The following FAT1 variants were observed in gnomAD, a reference collection of about 807,000 sequenced individuals.
FAT1 encodes FAT atypical cadherin 1.
In FAT1, 171 loss-of-function variants were observed where a neutral mutation model predicts 329.8. The observed-to-expected ratio is 0.52, with a 90% CI of 0.46 to 0.59. The LOEUF is 0.59. Among genes scored for constraint, FAT1 ranks in the 20% least tolerant of loss-of-function variants. The probability of loss-of-function intolerance (pLI) is 0.00; values close to 1 mark genes in which losing one functional copy is unlikely to be tolerated. For synonymous variants in FAT1, 2,233 were observed against 2,228.6 expected (o/e 1.00, Z -0.06); for missense variants, 5,672 against 5,774.4 (o/e 0.98, Z 0.57).
At chr4:186,726,658 G>C (rs1365244483), upstream of FAT1, 1 of 152,226 alleles carries the variant, frequency 6.6e-6, no homozygotes, top group East Asian at 1.9e-4. Flanking sequence ...GCCAGCCGCC[G>C]AGTTGAGGAG....
rs987580879 is a variant in FAT1 at position 186,618,554 on chromosome 4, T to C, written c.8032A>G (p.Asn2678Asp). 3.8e-5 allele frequency: 61 copies of C among 1,613,932 alleles called. No individual in the cohort carries two copies. The highest frequency in any genetic ancestry group is 5.1e-5 in the Non-Finnish European group (60 of 1,179,908). Reference protein sequence around the residue: ...FFTFFVRAVDNGSPSKESVVL... With the variant: ...FFTFFVRAVDDGSPSKESVVL... ...ACAGATTCTTTTGATGGAGACCCATTATCCACAGCTCTAACAAAGAAAGTG... is the reference window on the plus strand; with the variant it reads ...ACAGATTCTTTTGATGGAGACCCATCATCCACAGCTCTAACAAAGAAAGTG... Residue 2678 changes from asparagine (N) to aspartate (D), a missense_variant, in exon 10 of 27, where the codon AAT becomes GAT. Asn to Asp is a conservative substitution (Grantham distance 23). Around this residue, in one of 2 missense-constraint regions of FAT1, gnomAD observed 3,966 missense variants for 3,915.2 expected, o/e 1.01. Transcript: ENST00000441802.
At chr4:186,623,537 T>C (rs1172855408) in intron 9 of FAT1, among the ~76,000 whole-genome samples, 1 of 152,216 alleles carries the variant, frequency 6.6e-6, no homozygotes, top group Non-Finnish European at 1.5e-5. Flanking sequence ...TCTCTCTTAT[T>C]GTACAGGATA....
chr4:186,702,693 A>C (rs950113), intron 2 of FAT1, among the ~76,000 whole-genome samples: 113,614 of 152,146 alleles, frequency 0.75, 42,736 homozygotes, highest in Middle Eastern at 0.8. Flanking sequence ...TGCTAAGTAC[A>C]CATCAGCTAA....
chr4:186,627,638 A>T (rs1740379023), intron 9 of FAT1, among the ~76,000 whole-genome samples: 1 of 152,152 alleles, frequency 6.6e-6, no homozygotes, highest in Non-Finnish European at 1.5e-5. Flanking sequence ...CGAGTGGCAA[A>T]AATCCAGGTA....
intron 3 of FAT1, among the ~76,000 whole-genome samples, chr4:186,646,006 T>C (rs10010039): frequency 0.39 from 37,172 of 96,490 alleles, 8,034 homozygotes; most frequent in Middle Eastern, 0.46. Flanking sequence ...CACACACACA[T>C]GAAAGATGGC....
chr4:186,634,059 C>T (rs2126556868), intron 6 of FAT1, among the ~76,000 whole-genome samples: 1 of 152,314 alleles, frequency 6.6e-6, no homozygotes, highest in African/African-American at 2.4e-5. Context: ...GAAAGCAACT[C>T]TGAAAACAAA....
chr4:186,633,011 T>C (rs1461469930), intron 7 of FAT1, among the ~76,000 whole-genome samples: 2 of 152,162 alleles, frequency 1.3e-5, no homozygotes, highest in Non-Finnish European at 2.9e-5. Flanking sequence ...CAACAAATAC[T>C]TGGTAAATAA....
Position 186,596,688 on chromosome 4 carries a change from G to A in FAT1, c.12852C>T (p.Phe4284=), listed in dbSNP as rs2126388394. 1 of 1,613,336 alleles carries A rather than the reference G, an allele frequency of 6.2e-7. No individual in the cohort carries two copies. Among genetic ancestry groups the A allele is most frequent in the Non-Finnish European group, 8.5e-7 (1 of 1,179,482 alleles). Reference sequence around the variant, plus strand: ...GCACAGACTCGGGGTTAAAAGTGCTGAATTCGGGATGCTCTGGGATAGCAG... The same window carrying A: ...GCACAGACTCGGGGTTAAAAGTGCTAAATTCGGGATGCTCTGGGATAGCAG... ...EGSAIPEHPE[F]STFNPESVHG... is the part of the protein sequence containing the mutation. The change falls in exon 25 of 27, where the codon TTC becomes TTT. Residue 4284 remains phenylalanine, a synonymous_variant. Coordinates refer to ENST00000441802, the MANE Select transcript of FAT1 (RefSeq NM_005245.4). This position sits in a 1 kb window ranked among gnomAD's most constrained non-coding sequence, Gnocchi z 4.7.
At chr4:186,635,308 A>G (rs1740775227) in intron 6 of FAT1, among the ~76,000 whole-genome samples, 1 of 98,430 alleles carries the variant, frequency 1.0e-5, no homozygotes, top group South Asian at 2.6e-4. Context: ...GTGAGGAAAC[A>G]ATAAAAAAAA....
At chr4:186,652,110 C>G (rs1016187120) in intron 3 of FAT1, among the ~76,000 whole-genome samples, 1 of 152,232 alleles carries the variant, frequency 6.6e-6, no homozygotes, top group African/African-American at 2.4e-5. Flanking sequence ...ATACCCTAGT[C>G]TTCAGACGTC....
At position 186,707,025 on chromosome 4, in the gene FAT1, T is replaced by C. The variant is rs955711006; in HGVS notation, c.2803A>G (p.Lys935Glu). Residue 935 changes from lysine (K) to glutamate (E), a missense_variant, in exon 2 of 27, where the codon AAA becomes GAA. This residue lies in a region of FAT1 where 3,966 missense variants were observed against 3,915.2 expected (regional missense o/e 1.01). Transcript: ENST00000441802. ...CCTTCTGGAAGATCCTCTCGGACTT[T>C]CACACGATAATTAGGTGGAATAAAT... Reference protein sequence around the residue: ...PTFIPPNYRVKVREDLPEGTV... With the variant: ...PTFIPPNYRVEVREDLPEGTV... The C allele has an allele frequency of 2.6e-5, 42 of 1,613,900 alleles. No individual in the cohort carries two copies. The highest frequency in any genetic ancestry group is 3.2e-5 in the Non-Finnish European group (38 of 1,179,906).
intron 26 of FAT1, chr4:186,590,300 G>T: frequency 9.9e-7 from 1 of 1,009,142 alleles, no homozygotes; most frequent in Non-Finnish European, 1.4e-6. Flanking sequence ...TAGTCAGTCA[G>T]CACTGGGGCA....
Position 186,628,742 on chromosome 4 carries a change from T to A in FAT1, c.4345A>T (p.Thr1449Ser), listed in dbSNP as rs2126545503. ...LTQVFIKVID[T>S]NDHRPQFSTS... The stretch of plus-strand genomic sequence containing the variant: ...GAAAACTGAGGACGATGGTCATTTG[T>A]GTCTATTACTTTGATGAATACCTGT... The change falls in exon 8 of 27, where the codon ACA (threonine) becomes TCA (serine). Residue 1449 changes from threonine (T) to serine (S), a missense_variant. Physicochemically the swap from Thr to Ser is moderately conservative, Grantham distance 58 (BLOSUM62 1). Transcript: ENST00000441802. The A allele has an allele frequency of 1.2e-6, 2 of 1,613,310 alleles. No individual in the cohort carries two copies. The highest frequency in any genetic ancestry group is 1.7e-6 in the Non-Finnish European group (2 of 1,179,774).
chr4:186,678,873 T>C (rs1190424599), intron 2 of FAT1, among the ~76,000 whole-genome samples: 1 of 152,158 alleles, frequency 6.6e-6, no homozygotes. Context: ...TTAATTATTC[T>C]ACTATAAAGA....
rs370965683 is a variant in FAT1, at chr4:186,629,541, C to G, written c.4324-778G>C. On this transcript the variant is annotated intron_variant, in intron 7 of 26. Transcript: ENST00000441802. ...CGTATGGATTTGGCACAGCGGAAAT[C>G]ACTGCCAATTATAAAACATGCTTTA... Among the ~76,000 whole-genome samples, 4 of 152,326 alleles carry G rather than the reference C, an allele frequency of 2.6e-5. No homozygotes were observed. In the East Asian group the frequency reaches 5.8e-4, roughly 22 times the overall value.
intron 1 of FAT1, among the ~76,000 whole-genome samples, chr4:186,710,098 G>A (rs369983948): frequency 4.6e-5 from 7 of 152,090 alleles, no homozygotes; most frequent in East Asian, 1.9e-4. Flanking sequence ...ATATTTAAAC[G>A]ACTCAAAAAT....
chr4:186,708,137 T>G lies in FAT1; in HGVS notation c.1691A>C (p.Asp564Ala), dbSNP rs2126694137. The G allele has an allele frequency of 6.2e-7, 1 of 1,613,972 alleles. No individual in the cohort carries two copies. Among genetic ancestry groups the G allele is most frequent in the Non-Finnish European group, 8.5e-7 (1 of 1,179,894 alleles). ...LATITLNNLN[D>A]NTPLFEKINC... Reference sequence around the variant, plus strand: ...TATTTTCTCAAACAAAGGTGTGTTGTCATTCAAGTTATTGAGAGTAATTGT... The same window carrying G: ...TATTTTCTCAAACAAAGGTGTGTTGGCATTCAAGTTATTGAGAGTAATTGT... Residue 564 changes from aspartate (D) to alanine (A), a missense_variant, in exon 2 of 27, where the codon GAC (aspartate) becomes GCC (alanine). Asp to Ala is a moderately radical substitution (Grantham distance 126). Around this residue, in one of 2 missense-constraint regions of FAT1, gnomAD observed 3,966 missense variants for 3,915.2 expected, o/e 1.01. Transcript: ENST00000441802.
chr4:186,611,071 A>C (rs1741797833), intron 14 of FAT1, among the ~76,000 whole-genome samples: 1 of 152,178 alleles, frequency 6.6e-6, no homozygotes, highest in African/African-American at 2.4e-5. Flanking sequence ...ACTATCCCCT[A>C]TTCTTATCTT....
chr4:186,595,002 G>A lies in FAT1; in HGVS notation c.13138+687C>T, dbSNP rs117119521. Among the ~76,000 whole-genome samples the A allele has an allele frequency of 6.4e-3, 974 of 152,052 alleles. 26 individuals are homozygous for A. The East Asian group carries it at 0.097, about 15-fold the overall frequency. On this transcript the variant is annotated intron_variant, in intron 26 of 26. Transcript: ENST00000441802. ...CTACATTGTGTTACTGAATATTGACGTTTTTCTCTACTGGTATGTGTTAAT... is the reference window on the plus strand; with the variant it reads ...CTACATTGTGTTACTGAATATTGACATTTTTCTCTACTGGTATGTGTTAAT...
Sources: allele counts gnomAD v4.1 joint callset (sites outside exome capture counted in the v4.1 genomes callset), GRCh38; gene constraint gnomAD v4.1.1; regional missense constraint gnomAD v4.1.1; non-coding constraint Gnocchi (gnomAD v3.1); transcripts MANE v1.5; gene names NCBI Gene and HGNC (gene_info 2026-07-23, HGNC 2026-07-21).